Variants in ESR1 observed in about 807,000 individuals in gnomAD.
ESR1 encodes the protein estrogen receptor.
A neutral mutation model predicts 52.7 loss-of-function variants in ESR1; 12 were observed. That is an observed-to-expected ratio of 0.23 (90% confidence interval 0.15 to 0.37). The LOEUF is 0.37. ESR1 is among the 10% of genes least tolerant of loss of function. ESR1 has a pLI of 1.00. For synonymous variants in ESR1, 305 were observed against 316.8 expected (o/e 0.96, Z 0.39); for missense variants, 584 against 779.7 (o/e 0.75, Z 2.99).
chr6:151,825,611 G>A (rs1347355130), intron 1 of ESR1, among the ~76,000 whole-genome samples: 3 of 152,068 alleles, frequency 2.0e-5, no homozygotes, highest in African/African-American at 4.8e-5. Flanking sequence ...GCCAGAGTGA[G>A]GGTTAGAAAT....
At chr6:151,911,449 T>A (rs1334215213) in intron 3 of ESR1, among the ~76,000 whole-genome samples, 1 of 152,198 alleles carries the variant, frequency 6.6e-6, no homozygotes, top group Non-Finnish European at 1.5e-5. Context: ...TATAATTCTG[T>A]TTTATTCTCA....
intron 6 of ESR1, among the ~76,000 whole-genome samples, chr6:152,114,305 G>C (rs1279427909): frequency 2.0e-5 from 3 of 152,192 alleles, no homozygotes; most frequent in Admixed American, 6.5e-5. Context: ...GATTTCACCT[G>C]TGAGCAGGGT....
At chr6:151,682,843 G>T (rs1778510508) in intron 1 of ESR1, among the ~76,000 whole-genome samples, 1 of 152,204 alleles carries the variant, frequency 6.6e-6, no homozygotes, top group South Asian at 2.1e-4. Flanking sequence ...CCCCCATGTG[G>T]ATGTTTGTGA....
intron 2 of ESR1, among the ~76,000 whole-genome samples, chr6:151,848,460 C>T (rs1440227092): frequency 1.6e-5 from 2 of 126,484 alleles, no homozygotes; most frequent in Non-Finnish European, 3.4e-5. Context: ...CACATGTACA[C>T]TAAAACTTAG....
chr6:151,773,127 A>G (rs1785651358), intron 2 of ESR1, among the ~76,000 whole-genome samples: 2 of 152,232 alleles, frequency 1.3e-5, no homozygotes, highest in African/African-American at 2.4e-5. Flanking sequence ...TAAGGAATCC[A>G]GTATGACTGG....
chr6:152,015,023 T>C (rs1269777223), intron 5 of ESR1, among the ~76,000 whole-genome samples: 3 of 152,090 alleles, frequency 2.0e-5, no homozygotes, highest in African/African-American at 7.2e-5. Flanking sequence ...GCCAAAATTG[T>C]GCCATTGCAC....
At chr6:151,671,180 G>T (rs1021593899) in intron 1 of ESR1, among the ~76,000 whole-genome samples, 52 of 152,236 alleles carry the variant, frequency 3.4e-4, no homozygotes, top group Admixed American at 2.5e-3. Flanking sequence ...GAACTTCTGG[G>T]TGTATATATT....
intron 2 of ESR1, among the ~76,000 whole-genome samples, chr6:151,866,739 T>G (rs1789984766): frequency 1.3e-5 from 2 of 152,194 alleles, no homozygotes; most frequent in African/African-American, 2.4e-5. Context: ...GATGGGCATT[T>G]GGGTTGGTTT....
chr6:151,736,424 G>T (rs1447337719), intron 2 of ESR1, among the ~76,000 whole-genome samples: 2 of 128,718 alleles, frequency 1.6e-5, no homozygotes, highest in Non-Finnish European at 3.1e-5. Flanking sequence ...CCAAGCTGTA[G>T]TGTGGTGGCG....
At chr6:151,706,260 G>A (rs978171907) in intron 2 of ESR1, among the ~76,000 whole-genome samples, 4 of 152,188 alleles carry the variant, frequency 2.6e-5, no homozygotes, top group African/African-American at 7.2e-5. Flanking sequence ...TTTGTTACTA[G>A]CTGAGTATTG....
chr6:152,129,320 C>T (rs1378099814), exon 7 of ESR1: 1 of 152,196 alleles, frequency 6.6e-6, no homozygotes, highest in Non-Finnish European at 1.5e-5. Context: ...AACCAAAGAA[C>T]TGATCTCTGG....
At chr6:152,063,028 G>A (rs1461997121) in intron 6 of ESR1, among the ~76,000 whole-genome samples, 1 of 152,056 alleles carries the variant, frequency 6.6e-6, no homozygotes, top group East Asian at 1.9e-4. Flanking sequence ...ACAACCCAGG[G>A]GGAAAAAACT....
intron 2 of ESR1, among the ~76,000 whole-genome samples, chr6:151,714,893 G>T (rs1169034117): frequency 6.6e-6 from 1 of 152,032 alleles, no homozygotes; most frequent in Non-Finnish European, 1.5e-5. Flanking sequence ...ATGCTAGCTG[G>T]TTATTTTGCC....
chr6:151,692,567 C>T (rs759491022), intron 1 of ESR1, among the ~76,000 whole-genome samples: 2 of 152,136 alleles, frequency 1.3e-5, no homozygotes, highest in African/African-American at 2.4e-5. Flanking sequence ...GAGATATGGT[C>T]CTGTCCATCC....
chr6:151,727,218 T>A (rs540460569), intron 2 of ESR1, among the ~76,000 whole-genome samples: 12 of 152,216 alleles, frequency 7.9e-5, no homozygotes, highest in Admixed American at 1.3e-4. Context: ...CTTTTTTTTT[T>A]TGAGACAGAG....
At chr6:152,057,967 T>C (rs1236253480) in intron 5 of ESR1, among the ~76,000 whole-genome samples, 1 of 151,998 alleles carries the variant, frequency 6.6e-6, no homozygotes, top group Non-Finnish European at 1.5e-5. Context: ...GAAAGGAGAA[T>C]TGTTAAGTCT....
At chr6:152,103,980 C>CTTTTTTTTTTTTTT (rs369261779), downstream of ESR1, among the ~76,000 whole-genome samples, 3 of 93,884 alleles carry the variant, frequency 3.2e-5, no homozygotes, top group African/African-American at 4.2e-5. Flanking sequence ...TTCATTCTAC[C>CTTTTTTTTTTTTTT]TTTTTTTTTT....
At chr6:151,699,841 G>A (rs1779634470) in intron 1 of ESR1, among the ~76,000 whole-genome samples, 1 of 152,124 alleles carries the variant, frequency 6.6e-6, no homozygotes, top group Non-Finnish European at 1.5e-5. Context: ...TCAAGCCTAT[G>A]CAGCAAGAAG....
At chr6:151,787,230 G>A (rs1787113762) in intron 2 of ESR1, among the ~76,000 whole-genome samples, 1 of 152,174 alleles carries the variant, frequency 6.6e-6, no homozygotes. Context: ...GTGCCATGTT[G>A]TTTTGGTTAT....
Sources: allele counts gnomAD v4.1 joint callset (sites outside exome capture counted in the v4.1 genomes callset), GRCh38; gene constraint gnomAD v4.1.1; transcripts MANE v1.5; gene names NCBI Gene and HGNC (gene_info 2026-07-23, HGNC 2026-07-21).